KIFAP3: variants seen among roughly 807,000 people sequenced by gnomAD.
KIFAP3 encodes the protein kinesin associated protein 3, also known as kinesin-associated protein 3.
A neutral mutation model predicts 106.5 loss-of-function variants in KIFAP3; 68 were observed. The observed-to-expected ratio is 0.64, with a 90% CI of 0.53 to 0.78. KIFAP3 has a LOEUF of 0.78. Among genes scored for constraint, KIFAP3 ranks in the 30% least tolerant of loss-of-function variants. The pLI is 0.00. For synonymous variants in KIFAP3, 320 were observed against 311.5 expected (o/e 1.03, Z -0.29); for missense variants, 780 against 941.8 (o/e 0.83, Z 2.25).
intron 10 of KIFAP3, among the ~76,000 whole-genome samples, chr1:170,001,593 T>C (rs1667671185): frequency 1.3e-5 from 2 of 152,112 alleles, no homozygotes; most frequent in Admixed American, 1.3e-4. Flanking sequence ...ATTTATAGGA[T>C]AAATGAGGCC....
intron 19 of KIFAP3, among the ~76,000 whole-genome samples, chr1:169,952,747 A>G (rs1415488018): frequency 1.3e-5 from 2 of 152,110 alleles, no homozygotes; most frequent in Non-Finnish European, 2.9e-5. Context: ...AAAACATATA[A>G]TAATACTTGT....
chr1:169,967,495 G>T (rs1665689551), intron 17 of KIFAP3, among the ~76,000 whole-genome samples: 1 of 151,794 alleles, frequency 6.6e-6, no homozygotes, highest in South Asian at 2.1e-4. Context: ...TTAATAATAT[G>T]GTACTGCATA....
intron 10 of KIFAP3, among the ~76,000 whole-genome samples, chr1:170,003,251 A>G (rs571178270): frequency 2.0e-5 from 3 of 152,198 alleles, no homozygotes; most frequent in Admixed American, 1.3e-4. Flanking sequence ...GTAACAACCA[A>G]TAACAAATAG....
intron 8 of KIFAP3, 79 bp from the exon 9 acceptor site, chr1:170,024,675 G>A (rs1557845592): frequency 1.2e-6 from 1 of 844,172 alleles, no homozygotes; most frequent in African/African-American, 1.8e-5. Flanking sequence ...TACTCACCAA[G>A]GCAACAGAGA....
chr1:170,004,803 A>C (rs1420425883), intron 10 of KIFAP3, among the ~76,000 whole-genome samples: 1 of 150,808 alleles, frequency 6.6e-6, no homozygotes, highest in Admixed American at 6.6e-5. Context: ...ATGGGCAAGG[A>C]CTTCATGTCT....
chr1:170,038,741 T>C (rs1669818371), intron 4 of KIFAP3, among the ~76,000 whole-genome samples: 1 of 152,226 alleles, frequency 6.6e-6, no homozygotes, highest in South Asian at 2.1e-4. Context: ...CGTATTACAA[T>C]AAGAATATGT....
chr1:170,032,871 C>A (rs1669486095), intron 7 of KIFAP3, among the ~76,000 whole-genome samples: 1 of 151,670 alleles, frequency 6.6e-6, no homozygotes, highest in East Asian at 1.9e-4. Context: ...ATGTTCCTCT[C>A]CTCGCACTTA....
At chr1:169,991,827 G>T (rs1013572632) in intron 11 of KIFAP3, among the ~76,000 whole-genome samples, 9 of 151,880 alleles carry the variant, frequency 5.9e-5, no homozygotes, top group Non-Finnish European at 1.2e-4. Context: ...AATTTTTGAA[G>T]AATGTTCAGT....
chr1:169,973,124 A>ATCTATATAG (rs1361338751), intron 16 of KIFAP3, among the ~76,000 whole-genome samples: 1 of 48,726 alleles, frequency 2.1e-5, no homozygotes, highest in South Asian at 7.6e-4. Flanking sequence ...TATATATATA[A>ATCTATATAG]ACAACACAAA....
intron 3 of KIFAP3, among the ~76,000 whole-genome samples, chr1:170,040,167 G>A (rs112670917): frequency 3.9e-5 from 6 of 152,004 alleles, no homozygotes; most frequent in African/African-American, 1.4e-4. Flanking sequence ...CTAAGACAGT[G>A]GTTTTAATTA....
intron 1 of KIFAP3, among the ~76,000 whole-genome samples, chr1:170,070,766 T>C (rs1212837852): frequency 2.0e-5 from 3 of 152,162 alleles, no homozygotes; most frequent in Non-Finnish European, 4.4e-5. Flanking sequence ...TTAGCAGTGG[T>C]TTCTTAAATA....
intron 10 of KIFAP3, among the ~76,000 whole-genome samples, chr1:170,003,946 T>C (rs573924813): frequency 0.014 from 2,104 of 152,188 alleles, 39 homozygotes; most frequent in African/African-American, 0.048. Context: ...GACATGATTG[T>C]ATATCTAGAA....
At chr1:170,012,244 T>C (rs1375790436) in intron 10 of KIFAP3, among the ~76,000 whole-genome samples, 1 of 151,896 alleles carries the variant, frequency 6.6e-6, no homozygotes, top group Non-Finnish European at 1.5e-5. Flanking sequence ...AACAGAAAAA[T>C]TGTATATAAA....
intron 1 of KIFAP3, among the ~76,000 whole-genome samples, chr1:170,073,125 A>C (rs539957099): frequency 6.6e-6 from 1 of 152,370 alleles, no homozygotes; most frequent in Admixed American, 6.5e-5. Context: ...TTCCAGAACA[A>C]TTTTGAATTT....
At chr1:169,931,805 G>A (rs150586814) in intron 19 of KIFAP3, among the ~76,000 whole-genome samples, 6 of 152,182 alleles carry the variant, frequency 3.9e-5, no homozygotes, top group African/African-American at 7.2e-5. Flanking sequence ...TTTTTTCAGC[G>A]ACAGTTTAAC....
At chr1:169,959,510 T>C (rs1020589804) in intron 18 of KIFAP3, among the ~76,000 whole-genome samples, 1 of 152,176 alleles carries the variant, frequency 6.6e-6, no homozygotes, top group African/African-American at 2.4e-5. Flanking sequence ...CACAAAAGCA[T>C]AACCTATACA....
chr1:169,975,778 C>A (rs1282223452), intron 16 of KIFAP3, among the ~76,000 whole-genome samples: 1 of 152,024 alleles, frequency 6.6e-6, no homozygotes, highest in African/African-American at 2.4e-5. Context: ...GAATGCCTGG[C>A]TTAGAAAACA....
At chr1:170,016,310 T>C (rs1668513078) in intron 10 of KIFAP3, 152 bp downstream of exon 10, 1 of 602,066 alleles carries the variant, frequency 1.7e-6, no homozygotes. Context: ...AGGTCATTTT[T>C]TACTTACTCT....
At chr1:170,005,173 A>G (rs1157780751) in intron 10 of KIFAP3, among the ~76,000 whole-genome samples, 2 of 151,746 alleles carry the variant, frequency 1.3e-5, no homozygotes, top group African/African-American at 4.8e-5. Context: ...ATCTCACACC[A>G]GTTAGAATGG....
Sources: gnomAD v4.1 joint callset for allele counts (sites outside exome capture counted in the v4.1 genomes callset) on GRCh38, gnomAD v4.1.1 for gene constraint, MANE v1.5 for transcripts, NCBI Gene and HGNC (gene_info 2026-07-23, HGNC 2026-07-21) for gene names.